The following NUP155 variants were observed in gnomAD, a reference collection of about 807,000 sequenced individuals.
NUP155 encodes the protein nuclear pore complex protein Nup155.
A neutral mutation model predicts 180.4 loss-of-function variants in NUP155; 71 were observed. The observed-to-expected ratio is 0.39, with a 90% CI of 0.33 to 0.48. NUP155 has a LOEUF of 0.48. NUP155 is among the 20% of genes least tolerant of loss of function. The pLI is 0.91. For synonymous variants in NUP155, 582 were observed against 559.5 expected (o/e 1.04, Z -0.57); for missense variants, 1,553 against 1,648.9 (o/e 0.94, Z 1.01).
In NUP155 at chr5:37,289,082, C is replaced by T. The variant is rs1742135952; in HGVS notation, c.*2818G>A. 2 of 157,694 alleles carry T rather than the reference C, an allele frequency of 1.3e-5. No individual in the cohort carries two copies. The highest frequency in any genetic ancestry group is 2.7e-5 in the Non-Finnish European group (2 of 72,950). The allele number at this position is 157,694 out of a possible 1,614,324, so 9.8% of individuals were successfully genotyped here. A position where few individuals can be genotyped will look rare whatever the true frequency, so the allele number is the denominator to read the frequency against. ...GCAAAACTCAGTCTCATAAAAAAGG[C>T]TGTGGTGAGCCAAGATTGTGCCATT... On this transcript the variant is annotated 3_prime_UTR_variant, in exon 35 of 35. Coordinates refer to ENST00000231498, the MANE Select transcript of NUP155 (RefSeq NM_153485.3).
intron 8 of NUP155, among the ~76,000 whole-genome samples, chr5:37,348,887 C>T (rs1162912885): frequency 6.6e-6 from 1 of 151,916 alleles, no homozygotes; most frequent in Non-Finnish European, 1.5e-5. Context: ...TCCCAAGTAG[C>T]TGGGATTAAA....
intron 1 of NUP155, among the ~76,000 whole-genome samples, chr5:37,369,039 T>G (rs924271207): frequency 1.2e-4 from 18 of 152,060 alleles, no homozygotes; most frequent in Non-Finnish European, 1.5e-5. Flanking sequence ...GACTGCTTGA[T>G]GCCAGGAATT....
At position 37,304,821 on chromosome 5, in the gene NUP155, G is replaced by A; in HGVS notation, c.3080C>T (p.Ser1027Leu). Residue 1027 changes from serine (S) to leucine (L), a missense_variant, in exon 27 of 35, where the codon TCA becomes TTA. Coordinates refer to ENST00000231498, the MANE Select transcript of NUP155 (RefSeq NM_153485.3). ...GHHFEQMLKL[S>L]QRSKDELFSI... ...AAAGAGCTCATCCTTGGATCGCTGT[G>A]ACAATTTAAGCATTTGTTCAAACTA... 6.2e-7 allele frequency: 1 copy of A among 1,613,800 alleles called. No homozygotes were observed. Among genetic ancestry groups the A allele is most frequent in the Non-Finnish European group, 8.5e-7 (1 of 1,179,788 alleles).
In NUP155 at chr5:37,327,783, C is replaced by T. The variant is rs767852743; in HGVS notation, c.1877-7G>A. On this transcript the variant is annotated splice_region_variant and splice_polypyrimidine_tract_variant and intron_variant, in intron 17 of 34. Transcript: ENST00000231498. ...ATGGCAGGAGGCTGTATACCTTGTA[C>T]ACACATAAGAAAAACAAATCTCTTA... 13 of 1,613,816 alleles carry T rather than the reference C, an allele frequency of 8.1e-6. No homozygotes were observed. The highest frequency in any genetic ancestry group is 1.6e-4 in the Middle Eastern group (1 of 6,062).
chr5:37,302,818 G>T lies in NUP155; in HGVS notation c.3408C>A (p.Ala1136=). ...KSSTAISSIA[A]DGEFLHELEE... Reference sequence around the variant, plus strand: ...CTAATTCATGAAGAAATTCACCATCGGCAGCTATTGATGAAATGGCAGTGG... The same window carrying T: ...CTAATTCATGAAGAAATTCACCATCTGCAGCTATTGATGAAATGGCAGTGG... The change falls in exon 29 of 35, where the codon GCC becomes GCA. Residue 1136 remains alanine, a synonymous_variant. Coordinates refer to ENST00000231498, the MANE Select transcript of NUP155 (RefSeq NM_153485.3). 1 of 1,613,032 alleles carries T rather than the reference G, an allele frequency of 6.2e-7. No individual in the cohort carries two copies. Among genetic ancestry groups the T allele is most frequent in the South Asian group, 1.1e-5 (1 of 91,054 alleles).
intron 34 of NUP155, among the ~76,000 whole-genome samples, chr5:37,292,294 C>T (rs1271746503): frequency 1.3e-5 from 2 of 151,894 alleles, no homozygotes; most frequent in Middle Eastern, 6.8e-3. Flanking sequence ...CGGCTCACTG[C>T]AACCTCTGCC....
At chr5:37,349,108 A>G in intron 8 of NUP155, 64 bp downstream of exon 8, 1 of 412,472 alleles carries the variant, frequency 2.4e-6, no homozygotes, top group Non-Finnish European at 4.4e-6. Context: ...AAGAGGTGGG[A>G]ATTGTCTTCC....
chr5:37,304,137 C>G (rs1743017387), intron 27 of NUP155, among the ~76,000 whole-genome samples: 1 of 150,518 alleles, frequency 6.6e-6, no homozygotes, highest in Non-Finnish European at 1.5e-5. Flanking sequence ...GTAATCCCAG[C>G]TACTTGGGAG....
At chr5:37,364,215 AT>A in intron 2 of NUP155, 31 bp downstream of exon 2, 1 of 1,544,508 alleles carries the variant, frequency 6.5e-7, no homozygotes, top group Non-Finnish European at 8.9e-7. Context: ...CAATTTTAAC[AT>A]TTTTAAAATA....
intron 24 of NUP155, among the ~76,000 whole-genome samples, chr5:37,308,285 G>A (rs1368171140): frequency 6.6e-6 from 1 of 152,178 alleles, no homozygotes; most frequent in Non-Finnish European, 1.5e-5. Flanking sequence ...GGGCGCAGTG[G>A]CTCATGTCTG....
chr5:37,348,940 G>C (rs530362763), intron 8 of NUP155, among the ~76,000 whole-genome samples: 2 of 152,082 alleles, frequency 1.3e-5, no homozygotes, highest in South Asian at 4.1e-4. Context: ...ATTTTTAGTA[G>C]AGGCAGGGTT....
chr5:37,360,496 C>G (rs940891235), intron 3 of NUP155, among the ~76,000 whole-genome samples: 1 of 150,514 alleles, frequency 6.6e-6, no homozygotes, highest in Non-Finnish European at 1.5e-5. Flanking sequence ...AAAAAAAAAG[C>G]CAATGAAGGC....
In NUP155 at chr5:37,291,899, A is replaced by G. The variant is rs775744350; in HGVS notation, c.*1T>C. The G allele has an allele frequency of 6.2e-7, 1 of 1,613,770 alleles. No homozygotes were observed. Among genetic ancestry groups the G allele is most frequent in the Non-Finnish European group, 8.5e-7 (1 of 1,179,712 alleles). Reference sequence around the variant, plus strand: ...AAACGGATGAAAGTATATCACAGTAATTAATGAAGCCGTTCTAATTTAGCT... The same window carrying G: ...AAACGGATGAAAGTATATCACAGTAGTTAATGAAGCCGTTCTAATTTAGCT... On this transcript the variant is annotated 3_prime_UTR_variant, in exon 35 of 35. Transcript: ENST00000231498.
At chr5:37,362,917 T>C (rs1164077249) in intron 3 of NUP155, among the ~76,000 whole-genome samples, 1 of 152,132 alleles carries the variant, frequency 6.6e-6, no homozygotes, top group Non-Finnish European at 1.5e-5. Flanking sequence ...CAGTGTTTTG[T>C]TGTTGTTGTT....
rs1045353918 is a variant in NUP155, at chr5:37,356,835, C to T, written c.463+1246G>A. Among the ~76,000 whole-genome samples the T allele has an allele frequency of 5.9e-5, 9 of 152,076 alleles. No homozygotes were observed. The East Asian group carries it at 7.7e-4, about 13-fold the overall frequency. ...GGCCATCAAGAATATGGCCAGGGCA[C>T]GGCGGCTCACGCCTGTAATCCCAGC... On this transcript the variant is annotated intron_variant, in intron 4 of 34. Transcript: ENST00000231498.
chr5:37,294,287 A>T, intron 33 of NUP155, 42 bp downstream of exon 33: 1 of 1,356,168 alleles, frequency 7.4e-7, no homozygotes, highest in Non-Finnish European at 1.0e-6. Context: ...AAGTTACTTT[A>T]ATTAAAGAAA....
At chr5:37,317,488 C>G (rs1285261682) in intron 21 of NUP155, among the ~76,000 whole-genome samples, 2 of 151,724 alleles carry the variant, frequency 1.3e-5, no homozygotes, top group African/African-American at 4.8e-5. Flanking sequence ...AACTCTGTCT[C>G]AGAAACATAA....
chr5:37,356,397 C>G (rs1416621426), intron 4 of NUP155, among the ~76,000 whole-genome samples: 1 of 151,976 alleles, frequency 6.6e-6, no homozygotes, highest in African/African-American at 2.4e-5. Flanking sequence ...AATACCAGCA[C>G]TTTGGGAGAC....
intron 22 of NUP155, 59 bp downstream of exon 22, chr5:37,314,139 A>G (rs1743709006): frequency 7.9e-7 from 1 of 1,264,930 alleles, no homozygotes; most frequent in Admixed American, 2.0e-5. Context: ...CAAAATACTC[A>G]TCCAAAAAAT....
Sources: allele counts gnomAD v4.1 joint callset (sites outside exome capture counted in the v4.1 genomes callset), GRCh38; gene constraint gnomAD v4.1.1; transcripts MANE v1.5; gene names NCBI Gene and HGNC (gene_info 2026-07-23, HGNC 2026-07-21).